The following AREL1 variants were observed in gnomAD, a reference collection of about 807,000 sequenced individuals.
AREL1 encodes apoptosis resistant E3 ubiquitin protein ligase 1.
Under a neutral mutation model 99.0 loss-of-function variants are expected in AREL1, and 62 were observed. The observed-to-expected ratio is 0.63, with a 90% CI of 0.51 to 0.77. AREL1 has a LOEUF of 0.77. Among genes scored for constraint, AREL1 ranks in the 30% least tolerant of loss-of-function variants. The pLI, the probability that AREL1 is intolerant of heterozygous loss-of-function variation, is 0.00. For missense variants in AREL1, 879 were observed against 1,027.6 expected (o/e 0.86, Z 1.98); for synonymous variants, 380 against 376.5 (o/e 1.01, Z -0.11).
At chr14:74,676,352 A>G (rs1426255011) in intron 6 of AREL1, 31 bp from the exon 7 acceptor site, 3 of 1,603,880 alleles carry the variant, frequency 1.9e-6, no homozygotes, top group Non-Finnish European at 1.7e-6. Flanking sequence ...ATCACTTAAC[A>G]TATAGTATTT....
chr14:74,682,420 T>C (rs1329339607), intron 5 of AREL1, among the ~76,000 whole-genome samples: 2 of 152,228 alleles, frequency 1.3e-5, no homozygotes, highest in Non-Finnish European at 2.9e-5. Flanking sequence ...CAAAAACTTG[T>C]ACACAAATGT....
At position 74,675,831 on chromosome 14, in the gene AREL1, G is replaced by A; in HGVS notation, c.948C>T (p.Pro316=). The A allele has an allele frequency of 1.2e-6, 2 of 1,614,194 alleles. No homozygotes were observed. The highest frequency in any genetic ancestry group is 1.1e-5 in the South Asian group (1 of 91,084). ...GGCGCTGGGAAGAGGTCATGTGCAT[G>A]GGTGGCAGGTGCCATGGAGTGCTGC... is the stretch of plus-strand genomic sequence containing the variant. ...NCSSTPWHLP[P]MHMTSSQRRP... Residue 316 remains proline (P), a synonymous_variant, in exon 8 of 20, where the codon CCC becomes CCT. Transcript: ENST00000356357.
At chr14:74,697,713 C>A (rs925660176) in intron 1 of AREL1, among the ~76,000 whole-genome samples, 1 of 152,198 alleles carries the variant, frequency 6.6e-6, no homozygotes, top group Non-Finnish European at 1.5e-5. Context: ...TGATCCCCAA[C>A]GATCTGGTAA....
At chr14:74,681,570 C>T (rs913338679) in intron 5 of AREL1, among the ~76,000 whole-genome samples, 2 of 151,864 alleles carry the variant, frequency 1.3e-5, no homozygotes, top group African/African-American at 2.4e-5. Context: ...GTCAGGAGAT[C>T]GAGACCATCC....
intron 1 of AREL1, among the ~76,000 whole-genome samples, chr14:74,710,339 C>T (rs1227249332): frequency 6.6e-6 from 1 of 152,194 alleles, no homozygotes; most frequent in African/African-American, 2.4e-5. Context: ...ATAGAGGTTA[C>T]AATAGAAATT....
rs2089472655 is a variant in AREL1 at position 74,676,298 on chromosome 14, A to T, written c.675T>A (p.Ser225Arg). The change falls in exon 7 of 20, where the codon AGT (serine) becomes AGA (arginine). Residue 225 changes from serine (S) to arginine (R), a missense_variant. Transcript: ENST00000356357. ...CTGATTTCTCAAATGAGACACCAGT[A>T]CTCTCTTCTTCTTGAGGGCCGAGCT... ...IHELGPQEEE[S>R]TGVSFEKSVT... The T allele has an allele frequency of 6.2e-7, 1 of 1,614,020 alleles. No individual in the cohort carries two copies. Among genetic ancestry groups the T allele is most frequent in the African/African-American group, 1.3e-5 (1 of 74,974 alleles).
chr14:74,711,318 T>A (rs183034015), intron 1 of AREL1, among the ~76,000 whole-genome samples: 1 of 151,238 alleles, frequency 6.6e-6, no homozygotes, highest in East Asian at 2.0e-4. Flanking sequence ...GGTGGGCAGA[T>A]CACCTGAGGT....
chr14:74,670,154 TG>T, intron 13 of AREL1, 28 bp from the exon 14 acceptor site: 1 of 1,550,706 alleles, frequency 6.4e-7, no homozygotes, highest in Non-Finnish European at 8.7e-7. Flanking sequence ...TGAAAGGCCC[TG>T]GGCCATTTTT....
At chr14:74,693,997 C>G (rs569568173) in intron 1 of AREL1, among the ~76,000 whole-genome samples, 27 of 152,160 alleles carry the variant, frequency 1.8e-4, no homozygotes, top group Non-Finnish European at 3.4e-4. Context: ...GGCGACATAA[C>G]AAAACCCCGT....
intron 9 of AREL1, among the ~76,000 whole-genome samples, chr14:74,673,832 T>C (rs1332426488): frequency 6.6e-6 from 1 of 152,250 alleles, no homozygotes; most frequent in Non-Finnish European, 1.5e-5. Flanking sequence ...TTCCTGTTTC[T>C]GTAGGCATGC....
chr14:74,686,342 A>G (rs899301961), intron 2 of AREL1, among the ~76,000 whole-genome samples: 1 of 152,234 alleles, frequency 6.6e-6, no homozygotes, highest in African/African-American at 2.4e-5. Flanking sequence ...GTCTGAGGGA[A>G]GACTTTCACT....
intron 1 of AREL1, among the ~76,000 whole-genome samples, chr14:74,710,358 C>A (rs753619942): frequency 6.6e-6 from 1 of 152,162 alleles, no homozygotes; most frequent in Non-Finnish European, 1.5e-5. Flanking sequence ...TTACAAATGG[C>A]CTTTTTTTAA....
In AREL1 at chr14:74,713,033, G is replaced by A. The variant is rs761506805; in HGVS notation, c.-434C>T. 4.2e-6 allele frequency: 5 copies of A among 1,182,904 alleles called. No individual in the cohort carries two copies. Among genetic ancestry groups the A allele is most frequent in the East Asian group, 2.4e-5 (1 of 42,332 alleles). The allele number at this position is 1,182,904 out of a possible 1,614,324, so 73.3% of individuals were successfully genotyped here. A position where few individuals can be genotyped will look rare whatever the true frequency, so the allele number is the denominator to read the frequency against. On this transcript the variant is annotated 5_prime_UTR_variant, in exon 1 of 20. Coordinates refer to ENST00000356357, the MANE Select transcript of AREL1 (RefSeq NM_001039479.2). ...CGGGCTCCCCACTCTCCCACCAACA[G>A]ACCCCAGAGTTGGTCTCCACCCGGC... is the stretch of plus-strand genomic sequence containing the variant.
At position 74,702,924 on chromosome 14, in the gene AREL1, G is replaced by C. The variant is rs569444759; in HGVS notation, c.-334+10009C>G. On this transcript the variant is annotated intron_variant, in intron 1 of 19. Coordinates refer to ENST00000356357, the MANE Select transcript of AREL1 (RefSeq NM_001039479.2). ...TCTCCATCTGAGACCACCTCAGCCT[G>C]GATTTCAATGTCCATATCATCACCA... Among the ~76,000 whole-genome samples the C allele has an allele frequency of 2.6e-5, 4 of 152,206 alleles. No individual in the cohort carries two copies. In the South Asian group the frequency reaches 8.3e-4, roughly 32 times the overall value.
chr14:74,710,366 TAAG>T (rs947866930), intron 1 of AREL1, among the ~76,000 whole-genome samples: 1 of 152,222 alleles, frequency 6.6e-6, no homozygotes, highest in African/African-American at 2.4e-5. Context: ...GGCCTTTTTT[TAAG>T]TTGTTGTTGT....
chr14:74,663,905 T>G lies in AREL1; in HGVS notation c.2363A>C (p.His788Pro). The change falls in exon 19 of 20, where the codon CAC (histidine) becomes CCC (proline). Residue 788 changes from histidine (H) to proline (P), a missense_variant. Coordinates refer to ENST00000356357, the MANE Select transcript of AREL1 (RefSeq NM_001039479.2). Reference sequence around the variant, plus strand: ...CAGGCGGGCAGATACCTACCATGTGTGTGCAGTAGGCAGCGTGCTATGGGT... The same window carrying G: ...CAGGCGGGCAGATACCTACCATGTGGGTGCAGTAGGCAGCGTGCTATGGGT... ...APTHSTLPTAHTCFNQLCLPT... is the reference protein window; with the variant it reads ...APTHSTLPTAPTCFNQLCLPT... 1 of 1,614,194 alleles carries G rather than the reference T, an allele frequency of 6.2e-7. No individual in the cohort carries two copies. The highest frequency in any genetic ancestry group is 8.5e-7 in the Non-Finnish European group (1 of 1,180,018).
chr14:74,671,103 G>A (rs933947606), intron 12 of AREL1, among the ~76,000 whole-genome samples: 2 of 152,004 alleles, frequency 1.3e-5, no homozygotes, highest in African/African-American at 2.4e-5. Flanking sequence ...ACCAGAGGTC[G>A]GAGATCCCAG....
chr14:74,708,280 T>G (rs914976854), intron 1 of AREL1, among the ~76,000 whole-genome samples: 1 of 152,220 alleles, frequency 6.6e-6, no homozygotes, highest in African/African-American at 2.4e-5. Context: ...CTTTACATTC[T>G]CACTCCCCCT....
chr14:74,704,304 G>A (rs900676788), intron 1 of AREL1, among the ~76,000 whole-genome samples: 11 of 152,056 alleles, frequency 7.2e-5, no homozygotes, highest in Admixed American at 1.3e-4. Flanking sequence ...CCCAGGACAC[G>A]GCCTCATGAG....
Sources: gnomAD v4.1 joint callset for allele counts (sites outside exome capture counted in the v4.1 genomes callset) on GRCh38, gnomAD v4.1.1 for gene constraint, MANE v1.5 for transcripts, NCBI Gene and HGNC (gene_info 2026-07-23, HGNC 2026-07-21) for gene names.